The following COP1 variants were observed in gnomAD, a reference collection of about 807,000 sequenced individuals.
The protein encoded by COP1 is COP1 E3 ubiquitin ligase, also known as E3 ubiquitin-protein ligase COP1.
In COP1, 24 loss-of-function variants were observed where a neutral mutation model predicts 101.3. The ratio of observed to expected loss-of-function variants is 0.24; its 90% CI spans 0.17 to 0.33. COP1 has a LOEUF of 0.33. COP1 is among the 10% of genes least tolerant of loss of function. COP1 has a pLI of 1.00. For synonymous variants in COP1, 347 were observed against 341.9 expected, an observed-to-expected ratio of 1.01 and a Z score of -0.17; for missense variants, 663 against 906.2, an observed-to-expected ratio of 0.73 and a Z score of 3.45.
chr1:176,089,430 G>A (rs1460629950), intron 9 of COP1, among the ~76,000 whole-genome samples: 1 of 152,056 alleles, frequency 6.6e-6, no homozygotes, highest in East Asian at 1.9e-4. Context: ...CAGATAAAAG[G>A]CAATAAACTT....
At chr1:176,097,391 C>T (rs1249994121) in intron 9 of COP1, among the ~76,000 whole-genome samples, 4 of 152,000 alleles carry the variant, frequency 2.6e-5, no homozygotes, top group Non-Finnish European at 5.9e-5. Context: ...TTTGTTAGGC[C>T]TTAGAAGCTG....
intron 15 of COP1, among the ~76,000 whole-genome samples, chr1:175,992,867 T>C (rs1658976898): frequency 6.6e-6 from 1 of 152,196 alleles, no homozygotes; most frequent in Non-Finnish European, 1.5e-5. Flanking sequence ...AATGTCCCTG[T>C]CTGACAGCTT....
At chr1:176,194,806 T>C (rs982343779) in intron 1 of COP1, among the ~76,000 whole-genome samples, 1 of 152,080 alleles carries the variant, frequency 6.6e-6, no homozygotes, top group African/African-American at 2.4e-5. Context: ...GCCAGGTCAG[T>C]GGCTCATGCC....
chr1:175,949,341 T>C (rs1202944585), intron 18 of COP1, among the ~76,000 whole-genome samples: 1 of 151,886 alleles, frequency 6.6e-6, no homozygotes, highest in African/African-American at 2.4e-5. Context: ...TGGGATTTAT[T>C]TACTCTTTTA....
intron 9 of COP1, among the ~76,000 whole-genome samples, chr1:176,086,954 A>G (rs1467939245): frequency 6.6e-6 from 1 of 152,162 alleles, no homozygotes; most frequent in East Asian, 1.9e-4. Context: ...AAATAACACC[A>G]CACAGCTACA....
intron 11 of COP1, among the ~76,000 whole-genome samples, chr1:176,054,708 C>T (rs1245727866): frequency 6.6e-6 from 1 of 152,158 alleles, no homozygotes; most frequent in African/African-American, 2.4e-5. Context: ...CCTCCTCTCT[C>T]CTGTATCAAT....
intron 18 of COP1, among the ~76,000 whole-genome samples, chr1:175,978,580 T>C (rs1320885961): frequency 6.6e-6 from 1 of 151,972 alleles, no homozygotes; most frequent in South Asian, 2.1e-4. Flanking sequence ...GAGGGAAGAG[T>C]GAGGCACTGA....
intron 8 of COP1, among the ~76,000 whole-genome samples, chr1:176,127,689 T>C (rs1688251432): frequency 6.6e-6 from 1 of 152,262 alleles, no homozygotes; most frequent in Admixed American, 6.5e-5. Flanking sequence ...TTTGCATGGC[T>C]ACTGTGAATA....
At chr1:176,088,891 A>G (rs1680723570) in intron 9 of COP1, among the ~76,000 whole-genome samples, 1 of 151,018 alleles carries the variant, frequency 6.6e-6, no homozygotes. Flanking sequence ...GCTACTCGGG[A>G]GGCTGAGGCA....
rs527650353 is a variant in COP1, at chr1:175,992,840, T to A, written c.1730-3361A>T. 1.7e-3 allele frequency among the ~76,000 whole-genome samples: 254 copies of A among 152,302 alleles called. 1 individual carries two copies. The highest frequency in any genetic ancestry group is 5.8e-3 in the African/African-American group (243 of 41,568). On this transcript the variant is annotated intron_variant, in intron 15 of 19. Coordinates refer to ENST00000367669, the MANE Select transcript of COP1 (RefSeq NM_022457.7). ...GCAGGCACAGACAAAAAGACAGCAG[T>A]AACCTCTGCAGACTTAAATGTCCCT...
intron 10 of COP1, among the ~76,000 whole-genome samples, chr1:176,085,387 A>C (rs1679956233): frequency 6.6e-6 from 1 of 152,134 alleles, no homozygotes; most frequent in African/African-American, 2.4e-5. Flanking sequence ...TCGATTTACA[A>C]CACTCCTTAA....
chr1:176,028,555 T>C (rs1668085911), intron 14 of COP1, among the ~76,000 whole-genome samples: 1 of 145,236 alleles, frequency 6.9e-6, no homozygotes, highest in Non-Finnish European at 1.5e-5. Flanking sequence ...TGAAATGAAA[T>C]AAAAAAAGAA....
At chr1:176,095,467 G>C (rs969899240) in intron 9 of COP1, among the ~76,000 whole-genome samples, 6 of 152,172 alleles carry the variant, frequency 3.9e-5, no homozygotes, top group African/African-American at 1.4e-4. Flanking sequence ...CAGATTGCTT[G>C]AGTCCGGATC....
At chr1:176,075,372 C>A (rs897318607) in intron 11 of COP1, among the ~76,000 whole-genome samples, 2 of 152,176 alleles carry the variant, frequency 1.3e-5, no homozygotes. Context: ...AAATTCAAAT[C>A]TTAGTCCTGT....
intron 17 of COP1, among the ~76,000 whole-genome samples, 176 bp from the exon 18 acceptor site, chr1:175,987,279 A>C (rs903281935): frequency 6.6e-6 from 1 of 152,178 alleles, no homozygotes; most frequent in East Asian, 1.9e-4. Context: ...TCTTGGACAA[A>C]AGCTATACTT....
intron 9 of COP1, among the ~76,000 whole-genome samples, chr1:176,113,946 T>TTG (rs1685725006): frequency 3.6e-4 from 1 of 2,762 alleles, no homozygotes; most frequent in Non-Finnish European, 7.7e-3. Flanking sequence ...CAGGGTAGGG[T>TTG]TTTTTTTTTT....
At chr1:176,146,175 G>A (rs1691560105) in intron 6 of COP1, among the ~76,000 whole-genome samples, 3 of 151,998 alleles carry the variant, frequency 2.0e-5, no homozygotes, top group Admixed American at 2.0e-4. Context: ...GAAACAGAAG[G>A]GAATCATTCA....
intron 14 of COP1, among the ~76,000 whole-genome samples, chr1:176,035,303 G>A (rs928561151): frequency 6.6e-6 from 1 of 151,462 alleles, no homozygotes; most frequent in Middle Eastern, 3.4e-3. Flanking sequence ...AAATGGAGAT[G>A]ACAGATGAAG....
chr1:176,006,983 T>C (rs10737318), intron 15 of COP1, among the ~76,000 whole-genome samples: 114,537 of 151,582 alleles, frequency 0.76, 45,111 homozygotes, highest in East Asian at 0.92. Context: ...CTTTCAGGTA[T>C]ACCAATCAGA....
Sources: allele counts gnomAD v4.1 joint callset (sites outside exome capture counted in the v4.1 genomes callset), GRCh38; gene constraint gnomAD v4.1.1; transcripts MANE v1.5; gene names NCBI Gene and HGNC (gene_info 2026-07-23, HGNC 2026-07-21).